The following NEBL variants were observed in gnomAD, a reference collection of about 807,000 sequenced individuals.
NEBL encodes the protein LIM and SH3 protein 2.
In NEBL, 122 loss-of-function variants were observed where a neutral mutation model predicts 140.2. That is an observed-to-expected ratio of 0.87 (90% confidence interval 0.75 to 1.01). NEBL has a LOEUF of 1.01. Among genes scored for constraint, NEBL ranks in the 50% least tolerant of loss-of-function variants. NEBL has a pLI of 0.00. For synonymous variants in NEBL, 436 were observed against 398.9 expected, an observed-to-expected ratio of 1.09 and a Z score of -1.11; for missense variants, 1,365 against 1,231.3, an observed-to-expected ratio of 1.11 and a Z score of -1.62.
At chr10:21,032,904 A>G (rs960151858) in intron 2 of NEBL, among the ~76,000 whole-genome samples, 2 of 152,236 alleles carry the variant, frequency 1.3e-5, no homozygotes, top group South Asian at 2.1e-4. Context: ...AGGCATTATC[A>G]AAGGGATTAT....
At chr10:20,854,462 C>T (rs960782276) in intron 9 of NEBL, among the ~76,000 whole-genome samples, 2 of 151,392 alleles carry the variant, frequency 1.3e-5, no homozygotes, top group African/African-American at 4.9e-5. Flanking sequence ...TGCTTCCACT[C>T]AATTAGGGAG....
intron 2 of NEBL, among the ~76,000 whole-genome samples, chr10:21,053,904 G>T (rs142067613): frequency 6.6e-6 from 1 of 152,012 alleles, no homozygotes; most frequent in African/African-American, 2.4e-5. Context: ...ATGGTGGTTC[G>T]CACCTGTAAT....
At chr10:20,891,306 C>T (rs1450983881) in intron 2 of NEBL, among the ~76,000 whole-genome samples, 2 of 151,976 alleles carry the variant, frequency 1.3e-5, no homozygotes, top group African/African-American at 4.8e-5. Context: ...TTTTTTTCTT[C>T]TCAGAGATTA....
At chr10:21,201,838 T>A (rs1450455663) in intron 3 of NEBL, among the ~76,000 whole-genome samples, 4 of 152,214 alleles carry the variant, frequency 2.6e-5, no homozygotes. Context: ...TTCTTTCAGC[T>A]TCACAAATTG....
chr10:20,938,026 A>T (rs11012404), intron 4 of NEBL, among the ~76,000 whole-genome samples: 12,396 of 152,224 alleles, frequency 0.081, 733 homozygotes, highest in East Asian at 0.2. Flanking sequence ...GGGCATAGCC[A>T]AACAAAAGGC....
intron 3 of NEBL, among the ~76,000 whole-genome samples, chr10:21,244,414 G>A (rs1282319104): frequency 6.6e-6 from 1 of 151,846 alleles, no homozygotes; most frequent in East Asian, 1.9e-4. Context: ...TACCTTGGAA[G>A]CCTGAGGCAG....
rs111661595 is a variant in NEBL, at chr10:21,109,298, T to C, written c.164+63085A>G. On this transcript the variant is annotated intron_variant, in intron 2 of 6. Transcript: ENST00000417816. ...TTGGTTCTGTTTATGTGATGGATTATGTTTATTGATTTGCGTATGTTGAAC... is the reference window on the plus strand; with the variant it reads ...TTGGTTCTGTTTATGTGATGGATTACGTTTATTGATTTGCGTATGTTGAAC... 7.2e-4 allele frequency among the ~76,000 whole-genome samples: 109 copies of C among 152,262 alleles called. 1 individual carries two copies. Among genetic ancestry groups the C allele is most frequent in the African/African-American group, 2.5e-3 (106 of 41,574 alleles).
At chr10:21,164,427 A>T (rs986551056) in intron 2 of NEBL, among the ~76,000 whole-genome samples, 3 of 152,226 alleles carry the variant, frequency 2.0e-5, no homozygotes, top group Admixed American at 6.5e-5. Context: ...GGACCCACTG[A>T]AATGTCCTCT....
At chr10:21,272,865 T>C (rs1464431358) in intron 1 of NEBL, among the ~76,000 whole-genome samples, 4 of 152,188 alleles carry the variant, frequency 2.6e-5, no homozygotes, top group Non-Finnish European at 5.9e-5. Flanking sequence ...ATTGATATTA[T>C]GTCCATCATG....
intron 3 of NEBL, among the ~76,000 whole-genome samples, chr10:21,180,206 C>T (rs1361079810): frequency 1.3e-5 from 2 of 151,982 alleles, no homozygotes; most frequent in South Asian, 2.1e-4. Flanking sequence ...AAGGAACATG[C>T]CCCTCAGAAC....
intron 3 of NEBL, among the ~76,000 whole-genome samples, chr10:21,202,575 G>C (rs570334466): frequency 6.9e-6 from 1 of 145,748 alleles, no homozygotes; most frequent in Admixed American, 7.2e-5. Context: ...CCATTCTCCT[G>C]CCTCAGCCTC....
At chr10:20,852,408 A>T in intron 10 of NEBL, 137 bp downstream of exon 10, 1 of 699,866 alleles carries the variant, frequency 1.4e-6, no homozygotes, top group Non-Finnish European at 2.6e-6. Context: ...TTTCAAAAGT[A>T]ATGTTAATAT....
intron 1 of NEBL, among the ~76,000 whole-genome samples, chr10:21,267,729 A>C (rs1842813118): frequency 6.6e-6 from 1 of 152,236 alleles, no homozygotes; most frequent in Non-Finnish European, 1.5e-5. Flanking sequence ...ACATAATGCT[A>C]TTTCAATTTA....
intron 1 of NEBL, among the ~76,000 whole-genome samples, chr10:21,280,979 G>GTA (rs1564555179): frequency 6.6e-6 from 1 of 152,160 alleles, no homozygotes; most frequent in Non-Finnish European, 1.5e-5. Context: ...TGATGATATT[G>GTA]TATAGGATGG....
intron 2 of NEBL, among the ~76,000 whole-genome samples, chr10:21,099,846 C>T (rs1837389920): frequency 6.6e-6 from 1 of 152,158 alleles, no homozygotes; most frequent in African/African-American, 2.4e-5. Context: ...GAAGCCAGCC[C>T]AAGATATTAC....
intron 3 of NEBL, among the ~76,000 whole-genome samples, chr10:21,227,918 G>A (rs951564326): frequency 1.3e-5 from 2 of 151,168 alleles, no homozygotes; most frequent in Non-Finnish European, 2.9e-5. Context: ...AAATGGTAAC[G>A]TTCAGAATCT....
intron 1 of NEBL, among the ~76,000 whole-genome samples, chr10:21,272,118 ATTTTTT>A (rs10678454): frequency 1.3e-5 from 1 of 79,096 alleles, no homozygotes; most frequent in Non-Finnish European, 2.3e-5. Flanking sequence ...CACTTGGTTA[ATTTTTT>A]TTTTTTTTTT....
intron 2 of NEBL, among the ~76,000 whole-genome samples, chr10:21,103,309 G>A (rs1837560463): frequency 1.3e-5 from 2 of 151,642 alleles, no homozygotes; most frequent in Non-Finnish European, 2.9e-5. Context: ...CGCCTTCCGG[G>A]TTCATGCCAT....
chr10:20,815,883 C>T (rs1838678880), intron 21 of NEBL, 166 bp from the exon 22 acceptor site: 1 of 627,272 alleles, frequency 1.6e-6, no homozygotes, highest in Non-Finnish European at 2.9e-6. Flanking sequence ...ATCCTCCCAC[C>T]TCAGCCTCCC....
Sources: allele counts gnomAD v4.1 joint callset (sites outside exome capture counted in the v4.1 genomes callset), GRCh38; gene constraint gnomAD v4.1.1; transcripts MANE v1.5; gene names NCBI Gene and HGNC (gene_info 2026-07-23, HGNC 2026-07-21).